MIB1: variants seen among roughly 807,000 people sequenced by gnomAD.
MIB1 encodes MIB E3 ubiquitin protein ligase 1.
A neutral mutation model predicts 124.5 loss-of-function variants in MIB1; 278 were observed. That is an observed-to-expected ratio of 2.23 (90% CI 2.02 to 2.47). The LOEUF (loss-of-function observed/expected upper bound fraction) is 2.47. MIB1 is among the 30% of genes most tolerant of loss of function. MIB1 has a pLI of 0.00. For synonymous variants in MIB1, 446 were observed against 429.4 expected (o/e 1.04, Z -0.48); for missense variants, 957 against 1,254.4 (o/e 0.76, Z 3.58).
At chr18:21,833,014 G>C (rs1426616957) in intron 12 of MIB1, among the ~76,000 whole-genome samples, 1 of 152,138 alleles carries the variant, frequency 6.6e-6, no homozygotes, top group Admixed American at 6.5e-5. Context: ...TATAAAGTAG[G>C]ATTTGTGATT....
intron 1 of MIB1, among the ~76,000 whole-genome samples, chr18:21,726,781 C>T (rs1167004404): frequency 6.6e-6 from 1 of 152,102 alleles, no homozygotes; most frequent in Non-Finnish European, 1.5e-5. Flanking sequence ...TCCCTTCACT[C>T]CCCCCGTAAC....
At chr18:21,766,631 AC>A (rs33979587) in intron 2 of MIB1, among the ~76,000 whole-genome samples, 10,307 of 152,106 alleles carry the variant, frequency 0.068, 740 homozygotes, top group African/African-American at 0.18. Flanking sequence ...TTGGAGTCAT[AC>A]CTCTCTTGGT....
chr18:21,804,065 ATACTTCTATATC>A, intron 10 of MIB1, 51 bp downstream of exon 10: 11 of 1,246,918 alleles, frequency 8.8e-6, no homozygotes, highest in African/African-American at 3.0e-5. Context: ...CCTAGAAATA[ATACTTCTATATC>A]ATGAGATGGA....
chr18:21,806,175 A>G (rs2041704064), intron 10 of MIB1, among the ~76,000 whole-genome samples: 1 of 149,916 alleles, frequency 6.7e-6, no homozygotes, highest in African/African-American at 2.5e-5. Context: ...AAATGCTGGG[A>G]TTACTGGCAT....
intron 6 of MIB1, among the ~76,000 whole-genome samples, chr18:21,783,529 C>T (rs936284475): frequency 2.6e-5 from 4 of 152,050 alleles, no homozygotes; most frequent in East Asian, 1.9e-4. Flanking sequence ...AGGTGTGAGC[C>T]GCTGTGCCCG....
chr18:21,842,111 A>AG (rs2042095748), intron 13 of MIB1, among the ~76,000 whole-genome samples: 1 of 148,170 alleles, frequency 6.7e-6, no homozygotes, highest in Non-Finnish European at 1.5e-5. Context: ...AAAAAAAAAA[A>AG]AAAAAAAGAA....
intron 12 of MIB1, chr18:21,829,551 T>G (rs1322232448): frequency 6.6e-6 from 1 of 152,122 alleles, no homozygotes; most frequent in East Asian, 1.9e-4. Flanking sequence ...TTTCTGATAT[T>G]GACTCTAGAA....
chr18:21,843,450 G>A (rs2042109298), intron 14 of MIB1, among the ~76,000 whole-genome samples: 1 of 152,190 alleles, frequency 6.6e-6, no homozygotes, highest in African/African-American at 2.4e-5. Flanking sequence ...AGTAAGTATC[G>A]TAGAAGGGAT....
At chr18:21,838,862 T>C (rs1160534417) in intron 13 of MIB1, among the ~76,000 whole-genome samples, 1 of 152,210 alleles carries the variant, frequency 6.6e-6, no homozygotes, top group Non-Finnish European at 1.5e-5. Flanking sequence ...TTAAACAGTA[T>C]GGCCAGTTGT....
intron 1 of MIB1, among the ~76,000 whole-genome samples, chr18:21,710,866 C>T (rs1419037203): frequency 1.5e-5 from 2 of 132,446 alleles, no homozygotes; most frequent in African/African-American, 5.8e-5. Flanking sequence ...GAGTCTCTGT[C>T]GCCAGGCTGG....
chr18:21,741,985 C>G lies in MIB1; in HGVS notation c.229+173C>G, dbSNP rs909444821. 2.6e-5 allele frequency among the ~76,000 whole-genome samples: 4 copies of G among 152,206 alleles called. No homozygotes were observed. Among genetic ancestry groups the G allele is most frequent in the African/African-American group, 9.7e-5 (4 of 41,448 alleles). ...GAATTCTAGGTTCCGAACGGGTGAA[C>G]AAACACTTTCAGAAAAGACCCTCTA... On this transcript the variant is annotated intron_variant, in intron 1 of 20. Transcript: ENST00000261537. The surrounding 1 kb of genome is among the most constrained non-coding windows in gnomAD (Gnocchi z 5.4).
Position 21,718,741 on chromosome 18 carries a change from G to A in MIB1, n.167+13618G>A, listed in dbSNP as rs1037569012. 3.3e-5 allele frequency among the ~76,000 whole-genome samples: 5 copies of A among 152,188 alleles called. No homozygotes were observed. The South Asian group carries it at 6.2e-4, about 19-fold the overall frequency. ...ACTGGCAAGACAGGTTCAAGTTCAG[G>A]CACCTTCCTTGGTGTTAGTAGACAA... On this transcript the variant is annotated intron_variant and non_coding_transcript_variant, in intron 1 of 20. Transcript: ENST00000578646.
rs2042204643 is a variant in MIB1 at position 21,854,028 on chromosome 18, A to AAT, written c.2665+811_2665+812insTA. ...ACTCAGTCTTAAAAAAAAAAAAAAA[A>AAT]AAAAAAAAATTCCAATAGGCAGCTG... is the stretch of plus-strand genomic sequence containing the variant. On this transcript the variant is annotated intron_variant, in intron 18 of 20. Transcript: ENST00000261537. 2.0e-5 allele frequency among the ~76,000 whole-genome samples: 3 copies of AAT among 151,226 alleles called. No individual in the cohort carries two copies. The South Asian group carries it at 6.3e-4, about 32-fold the overall frequency.
chr18:21,785,192 C>T (rs376480759), intron 6 of MIB1, among the ~76,000 whole-genome samples: 16 of 152,186 alleles, frequency 1.1e-4, no homozygotes, highest in African/African-American at 3.9e-4. Context: ...CCTTACCTAT[C>T]ATTGGAGACG....
At chr18:21,829,842 A>G (rs1161806529) in intron 12 of MIB1, among the ~76,000 whole-genome samples, 2 of 152,114 alleles carry the variant, frequency 1.3e-5, no homozygotes, top group Non-Finnish European at 2.9e-5. Context: ...TCTTTTTAGT[A>G]TAAAGGATAA....
intron 1 of MIB1, among the ~76,000 whole-genome samples, chr18:21,709,559 A>C (rs1439376230): frequency 1.3e-5 from 2 of 152,104 alleles, no homozygotes; most frequent in East Asian, 3.9e-4. Context: ...GTCTGTTGTG[A>C]ATGGAACTGA....
chr18:21,770,895 A>G (rs2041217579), intron 3 of MIB1, among the ~76,000 whole-genome samples: 2 of 152,156 alleles, frequency 1.3e-5, no homozygotes, highest in African/African-American at 4.8e-5. Flanking sequence ...GTATTCTTTA[A>G]CTTCTTTAAC....
chr18:21,808,781 T>TTTA (rs2041737748), intron 10 of MIB1, among the ~76,000 whole-genome samples: 1 of 152,186 alleles, frequency 6.6e-6, no homozygotes, highest in African/African-American at 2.4e-5. Context: ...TGCCGTGGAC[T>TTTA]CTATTTTTTT....
intron 2 of MIB1, among the ~76,000 whole-genome samples, chr18:21,767,152 T>G (rs1465575442): frequency 6.6e-6 from 1 of 152,186 alleles, no homozygotes; most frequent in Non-Finnish European, 1.5e-5. Flanking sequence ...ATTAATCCCT[T>G]TTCATACTGC....
Sources: allele counts gnomAD v4.1 joint callset (sites outside exome capture counted in the v4.1 genomes callset), GRCh38; gene constraint gnomAD v4.1.1; non-coding constraint Gnocchi (gnomAD v3.1); transcripts MANE v1.5; gene names NCBI Gene and HGNC (gene_info 2026-07-23, HGNC 2026-07-21).